Variants in ATXN1 observed in about 807,000 individuals in gnomAD.
ATXN1 encodes the protein ataxin-1.
A neutral mutation model predicts 56.4 loss-of-function variants in ATXN1; 8 were observed. The observed-to-expected ratio is 0.14, with a 90% CI of 0.08 to 0.26. ATXN1 has a LOEUF of 0.26. Among genes scored for constraint, ATXN1 ranks in the 10% least tolerant of loss-of-function variants. The pLI is 1.00. For synonymous variants in ATXN1, 514 were observed against 494.6 expected (o/e 1.04, Z -0.52); for missense variants, 987 against 1,106.5 (o/e 0.89, Z 1.53).
chr6:16,736,123 T>C (rs948847403), intron 2 of ATXN1, among the ~76,000 whole-genome samples: 2 of 152,266 alleles, frequency 1.3e-5, no homozygotes, highest in Non-Finnish European at 1.5e-5. Context: ...AATTCACTGA[T>C]ACATTAATAA....
intron 4 of ATXN1, among the ~76,000 whole-genome samples, chr6:16,556,682 T>C (rs1011282710): frequency 1.3e-5 from 2 of 152,148 alleles, no homozygotes; most frequent in African/African-American, 4.8e-5. Flanking sequence ...TGGGGGAACA[T>C]GAGAAGCATC....
At chr6:16,442,071 C>A in intron 6 of ATXN1, among the ~76,000 whole-genome samples, 1 of 152,054 alleles carries the variant, frequency 6.6e-6, no homozygotes, top group East Asian at 1.9e-4. Context: ...AAAAAAAATT[C>A]TTTGGACACT....
intron 6 of ATXN1, among the ~76,000 whole-genome samples, chr6:16,464,809 G>C (rs1273528021): frequency 1.3e-5 from 2 of 150,090 alleles, no homozygotes; most frequent in Non-Finnish European, 3.0e-5. Flanking sequence ...AGAGCACAAA[G>C]AGTTGTTAGG....
chr6:16,459,933 C>T (rs144326428), intron 6 of ATXN1, among the ~76,000 whole-genome samples: 3 of 152,156 alleles, frequency 2.0e-5, no homozygotes, highest in African/African-American at 7.2e-5. Flanking sequence ...GCTCTGCCTA[C>T]AACAAGTCAA....
rs369870821 is a variant in ATXN1 at position 16,611,849 on chromosome 6, A to ATTTTTTTTTTT, written c.-488-25953_-488-25943dup. Among the ~76,000 whole-genome samples, 239 of 75,180 alleles carry ATTTTTTTTTTT rather than the reference A, an allele frequency of 3.2e-3. 16 individuals are homozygous for ATTTTTTTTTTT. The highest frequency in any genetic ancestry group is 4.5e-3 in the Non-Finnish European group (187 of 41,520). The allele number at this position is 75,180 out of a possible 152,430, so 49.3% of individuals were successfully genotyped here. On this transcript the variant is annotated intron_variant, in intron 3 of 7. Transcript: ENST00000436367. ...GTCCTTGGAAAAATAAGCAGATGAA[A>ATTTTTTTTTTT]TTTTTTTTTTTTTTTTTTTTTTTTT...
chr6:16,316,291 T>A (rs1760507036), intron 7 of ATXN1, among the ~76,000 whole-genome samples: 2 of 152,190 alleles, frequency 1.3e-5, no homozygotes, highest in South Asian at 4.1e-4. Context: ...AAAATCTTCT[T>A]CCATGAAACC....
At chr6:16,642,906 C>A (rs774229831) in intron 3 of ATXN1, among the ~76,000 whole-genome samples, 20 of 152,048 alleles carry the variant, frequency 1.3e-4, no homozygotes, top group Non-Finnish European at 2.6e-4. Context: ...CACTGGAAAA[C>A]CAAAAAATTT....
intron 4 of ATXN1, among the ~76,000 whole-genome samples, chr6:16,559,814 G>A (rs182294837): frequency 5.3e-5 from 8 of 152,172 alleles, no homozygotes; most frequent in African/African-American, 2.4e-5. Flanking sequence ...AGCAAAGTAC[G>A]TGGTCTAATT....
chr6:16,548,008 T>C (rs1046916091), intron 4 of ATXN1, among the ~76,000 whole-genome samples: 8 of 152,146 alleles, frequency 5.3e-5, no homozygotes, highest in Non-Finnish European at 7.3e-5. Context: ...AAATGCATCT[T>C]CACGTGATTC....
chr6:16,434,314 A>C (rs1759346326), intron 6 of ATXN1, among the ~76,000 whole-genome samples: 5 of 152,094 alleles, frequency 3.3e-5, no homozygotes, highest in Admixed American at 1.3e-4. Flanking sequence ...CTGTAATTTC[A>C]ATTATCTGTG....
chr6:16,487,418 C>T (rs1440543478), intron 5 of ATXN1, among the ~76,000 whole-genome samples: 1 of 152,078 alleles, frequency 6.6e-6, no homozygotes, highest in African/African-American at 2.4e-5. Context: ...TGGTAACACA[C>T]TGACAAGTAT....
chr6:16,475,076 C>T (rs1342307755), intron 6 of ATXN1, among the ~76,000 whole-genome samples: 1 of 152,144 alleles, frequency 6.6e-6, no homozygotes, highest in Non-Finnish European at 1.5e-5. Flanking sequence ...AATCTCCCTA[C>T]TCCTTTTATA....
At chr6:16,751,582 A>G (rs780271241) in intron 2 of ATXN1, among the ~76,000 whole-genome samples, 1 of 73,380 alleles carries the variant, frequency 1.4e-5, no homozygotes, top group Non-Finnish European at 2.4e-5. Context: ...TCATTTTACA[A>G]CAATCTAAAA....
chr6:16,475,128 T>C (rs1451951174), intron 6 of ATXN1, among the ~76,000 whole-genome samples: 2 of 152,220 alleles, frequency 1.3e-5, no homozygotes, highest in Non-Finnish European at 2.9e-5. Flanking sequence ...TGCCTTTCAG[T>C]TTGACTAATA....
At chr6:16,324,333 C>A (rs1760752983) in intron 7 of ATXN1, among the ~76,000 whole-genome samples, 1 of 151,916 alleles carries the variant, frequency 6.6e-6, no homozygotes, top group African/African-American at 2.4e-5. Context: ...CACCTGTGGT[C>A]CTAGCTACTA....
Position 16,326,803 on chromosome 6 carries a change from C to T in ATXN1, c.1508G>A (p.Gly503Glu). 6.2e-7 allele frequency: 1 copy of T among 1,608,472 alleles called. No homozygotes were observed. Among genetic ancestry groups the T allele is most frequent in the African/African-American group, 1.3e-5 (1 of 74,972 alleles). The change falls in exon 7 of 8, where the codon GGG becomes GAG. Residue 503 changes from glycine (G) to glutamate (E), a missense_variant. Physicochemically the swap from Gly to Glu is moderately conservative, Grantham distance 98. Transcript: ENST00000436367. This position sits in a 1 kb window ranked among gnomAD's most constrained non-coding sequence, Gnocchi z 6.6. Reference protein sequence around the residue: ...PVGSTDMEASGAAPAIVTSSP... With the variant: ...PVGSTDMEASEAAPAIVTSSP... The stretch of plus-strand genomic sequence containing the variant: ...TGACGTGACTATGGCCGGGGCTGCC[C>T]CCGACGCTTCCATGTCAGTGCTGCC...
At chr6:16,407,330 C>T (rs185541394) in intron 6 of ATXN1, among the ~76,000 whole-genome samples, 21 of 152,270 alleles carry the variant, frequency 1.4e-4, no homozygotes, top group African/African-American at 4.8e-4. Context: ...ATAATATGGT[C>T]GGAATGAATG....
At chr6:16,639,151 CAAAT>C (rs1251217429) in intron 3 of ATXN1, among the ~76,000 whole-genome samples, 1 of 152,184 alleles carries the variant, frequency 6.6e-6, no homozygotes, top group African/African-American at 2.4e-5. Context: ...TGGGCAGGGA[CAAAT>C]AAGGGAATAA....
intron 2 of ATXN1, among the ~76,000 whole-genome samples, chr6:16,685,175 T>C (rs1758892592): frequency 6.6e-6 from 1 of 152,216 alleles, no homozygotes; most frequent in Non-Finnish European, 1.5e-5. Context: ...TTGTAAATTT[T>C]TGCCACATCA....
Sources: allele counts gnomAD v4.1 joint callset (sites outside exome capture counted in the v4.1 genomes callset), GRCh38; gene constraint gnomAD v4.1.1; non-coding constraint Gnocchi (gnomAD v3.1); transcripts MANE v1.5; gene names NCBI Gene and HGNC (gene_info 2026-07-23, HGNC 2026-07-21).